The following PARG variants were observed in gnomAD, a reference collection of about 807,000 sequenced individuals.
PARG encodes mitochondrial poly(ADP-ribose) glycohydrolase.
A neutral mutation model predicts 113.0 loss-of-function variants in PARG; 35 were observed. That is an observed-to-expected ratio of 0.31 (90% CI 0.24 to 0.41). The LOEUF is 0.41. Ranked by LOEUF, PARG falls within the 10% of genes least tolerant of loss-of-function variation. The probability of loss-of-function intolerance (pLI) is 1.00; values close to 1 mark genes in which losing one functional copy is unlikely to be tolerated. For synonymous variants in PARG, 330 were observed against 409.9 expected (o/e 0.81, Z 2.36); for missense variants, 797 against 1,169.4 (o/e 0.68, Z 4.64).
chr10:49,919,756 A>AT (rs1837694021), intron 6 of PARG, among the ~76,000 whole-genome samples: 1 of 152,034 alleles, frequency 6.6e-6, no homozygotes, highest in South Asian at 2.1e-4. Flanking sequence ...AGAACTTGAG[A>AT]TTTTTTTCCA....
At chr10:49,885,629 C>T (rs1312821506) in intron 7 of PARG, among the ~76,000 whole-genome samples, 1 of 152,164 alleles carries the variant, frequency 6.6e-6, no homozygotes, top group East Asian at 1.9e-4. Flanking sequence ...TACATTCTGC[C>T]CTTGGTTGTA....
chr10:49,935,047 C>A (rs1457756000), intron 2 of PARG, 29 bp downstream of exon 2: 2 of 700,702 alleles, frequency 2.9e-6, no homozygotes, highest in Non-Finnish European at 5.2e-6. Context: ...TATTATTATT[C>A]ATTTCTCTAC....
intron 16 of PARG, among the ~76,000 whole-genome samples, chr10:49,829,848 G>A (rs1358796647): frequency 6.6e-6 from 1 of 151,974 alleles, no homozygotes; most frequent in African/African-American, 2.4e-5. Context: ...ATCTTTCCCT[G>A]TCAGCAGACA....
At chr10:49,819,708 A>G (rs1843973510) in intron 17 of PARG, among the ~76,000 whole-genome samples, 1 of 152,198 alleles carries the variant, frequency 6.6e-6, no homozygotes, top group Non-Finnish European at 1.5e-5. Context: ...TTTGCTCATG[A>G]TAACAACAGG....
At chr10:49,865,720 A>G (rs1846477161) in intron 10 of PARG, among the ~76,000 whole-genome samples, 1 of 151,110 alleles carries the variant, frequency 6.6e-6, no homozygotes, top group South Asian at 2.1e-4. Context: ...TTTAAAAAAA[A>G]AAGCATTGAA....
intron 10 of PARG, among the ~76,000 whole-genome samples, chr10:49,866,769 A>T (rs1484712960): frequency 6.6e-6 from 1 of 152,206 alleles, no homozygotes; most frequent in Non-Finnish European, 1.5e-5. Context: ...TCAGAATAGG[A>T]TACTTTGATT....
At chr10:49,927,378 G>GAAAGAAAGA (rs1838250817) in intron 4 of PARG, among the ~76,000 whole-genome samples, 1 of 42,650 alleles carries the variant, frequency 2.3e-5, no homozygotes, top group Admixed American at 2.3e-4. Context: ...AGGAAAGAAA[G>GAAAGAAAGA]AAAGAAAGAA....
intron 14 of PARG, 37 bp downstream of exon 14, chr10:49,843,517 T>C: frequency 7.4e-7 from 1 of 1,359,504 alleles, no homozygotes; most frequent in South Asian, 1.2e-5. Context: ...TTCCTTTGCT[T>C]TTAGCCATGG....
Position 49,874,526 on chromosome 10 carries a change from T to G in PARG, c.1989-4971A>C, listed in dbSNP as rs531172876. On this transcript the variant is annotated intron_variant, in intron 9 of 17. Coordinates refer to ENST00000616448, the MANE Select transcript of PARG (RefSeq NM_003631.5). ...CCCCAGACTTCCCCACTCAGAAGGTTGGCTGAAAAACAAAGGTCTTTTAAA... is the reference window on the plus strand; with the variant it reads ...CCCCAGACTTCCCCACTCAGAAGGTGGGCTGAAAAACAAAGGTCTTTTAAA... 2.7e-3 allele frequency among the ~76,000 whole-genome samples: 416 copies of G among 152,208 alleles called. 4 individuals carry two copies. Among genetic ancestry groups the G allele is most frequent in the African/African-American group, 9.6e-3 (397 of 41,510 alleles).
At chr10:49,857,282 T>C in intron 13 of PARG, 24 bp downstream of exon 13, 1 of 875,222 alleles carries the variant, frequency 1.1e-6, no homozygotes, top group Admixed American at 2.0e-5. Context: ...GACTACCCCA[T>C]TTTCCAGGCT....
intron 6 of PARG, among the ~76,000 whole-genome samples, chr10:49,920,270 G>A (rs1251089975): frequency 6.6e-6 from 1 of 150,654 alleles, no homozygotes; most frequent in African/African-American, 2.4e-5. Flanking sequence ...GAGAAACCCC[G>A]TCTCTACAAA....
chr10:49,891,590 C>CATATAT (rs1211471476), intron 7 of PARG, among the ~76,000 whole-genome samples: 26 of 48,620 alleles, frequency 5.3e-4, no homozygotes, highest in African/African-American at 1.8e-3. Flanking sequence ...TCCTATGGTC[C>CATATAT]ATATATATAT....
intron 4 of PARG, 102 bp downstream of exon 4, chr10:49,931,998 C>T: frequency 1.4e-6 from 1 of 706,460 alleles, no homozygotes. Flanking sequence ...ATGCAGAAAA[C>T]AGAAGAACTT....
At chr10:49,856,970 T>C (rs1554835143) in intron 13 of PARG, among the ~76,000 whole-genome samples, 3 of 137,112 alleles carry the variant, frequency 2.2e-5, no homozygotes, top group African/African-American at 2.8e-5. Context: ...GATTGCACCA[T>C]TGCACTCCAG....
intron 13 of PARG, among the ~76,000 whole-genome samples, chr10:49,851,756 T>G (rs1468950333): frequency 1.4e-5 from 2 of 146,616 alleles, no homozygotes; most frequent in Non-Finnish European, 3.0e-5. Flanking sequence ...TTTCTGGATG[T>G]TGTACAGAAA....
intron 4 of PARG, among the ~76,000 whole-genome samples, chr10:49,929,959 T>A (rs1838405907): frequency 1.3e-5 from 2 of 151,094 alleles, no homozygotes; most frequent in East Asian, 3.9e-4. Context: ...AAAGCTTACA[T>A]CAATCTACCA....
chr10:49,851,102 A>G (rs1554834141), intron 13 of PARG, among the ~76,000 whole-genome samples: 1 of 152,204 alleles, frequency 6.6e-6, no homozygotes, highest in African/African-American at 2.4e-5. Flanking sequence ...ATCCATTAAA[A>G]TCTTATGAGG....
intron 13 of PARG, among the ~76,000 whole-genome samples, chr10:49,849,545 A>G (rs1358386277): frequency 6.6e-6 from 1 of 152,200 alleles, no homozygotes; most frequent in Non-Finnish European, 1.5e-5. Flanking sequence ...AAAACAAAAA[A>G]CAATGAAAAC....
intron 15 of PARG, among the ~76,000 whole-genome samples, chr10:49,836,336 T>A (rs551137430): frequency 2.9e-5 from 4 of 138,692 alleles, no homozygotes; most frequent in African/African-American, 1.1e-4. Flanking sequence ...TTTTTTTTTT[T>A]AGCCCAGGCT....
Sources: allele counts gnomAD v4.1 joint callset (sites outside exome capture counted in the v4.1 genomes callset), GRCh38; gene constraint gnomAD v4.1.1; transcripts MANE v1.5; gene names NCBI Gene and HGNC (gene_info 2026-07-23, HGNC 2026-07-21).